Variants in STK10 observed in about 807,000 individuals in gnomAD.
The protein encoded by STK10 is serine/threonine-protein kinase 10.
STK10 carries 78 observed loss-of-function variants against 113.8 expected under a neutral mutation model. The ratio of observed to expected loss-of-function variants is 0.69; its 90% CI spans 0.57 to 0.83. The LOEUF is 0.83. STK10 is among the 40% of genes least tolerant of loss of function. The probability of loss-of-function intolerance (pLI) is 0.00; values close to 1 mark genes in which losing one functional copy is unlikely to be tolerated. For synonymous variants in STK10, 465 were observed against 494.7 expected (o/e 0.94, Z 0.80); for missense variants, 1,109 against 1,280.1 (o/e 0.87, Z 2.04).
At chr5:172,095,758 A>T (rs1302634964) in intron 8 of STK10, among the ~76,000 whole-genome samples, 2 of 152,204 alleles carry the variant, frequency 1.3e-5, no homozygotes, top group Non-Finnish European at 2.9e-5. Context: ...CTGATGGGTA[A>T]GTCCAGCCCC....
chr5:172,127,664 A>G (rs909913385), intron 2 of STK10, among the ~76,000 whole-genome samples: 1 of 152,180 alleles, frequency 6.6e-6, no homozygotes, highest in African/African-American at 2.4e-5. Flanking sequence ...AGGAAAACTA[A>G]GTTGCTACGA....
At chr5:172,182,789 T>A (rs1770883401) in intron 1 of STK10, among the ~76,000 whole-genome samples, 1 of 151,936 alleles carries the variant, frequency 6.6e-6, no homozygotes, top group African/African-American at 2.4e-5. Flanking sequence ...CCTGACCTCA[T>A]GATCCACCCA....
intron 4 of STK10, chr5:172,108,069 G>A: frequency 2.2e-6 from 1 of 459,446 alleles, no homozygotes; most frequent in South Asian, 3.7e-5. Flanking sequence ...ACTGGCAGCA[G>A]CCTTCAGGAA....
intron 1 of STK10, among the ~76,000 whole-genome samples, chr5:172,182,814 AG>A (rs2113846039): frequency 6.6e-6 from 1 of 152,096 alleles, no homozygotes; most frequent in Non-Finnish European, 1.5e-5. Flanking sequence ...AGCCTCTCAA[AG>A]TGCTGAGATT....
chr5:172,069,985 T>C (rs1453760836), intron 12 of STK10, among the ~76,000 whole-genome samples: 1 of 152,188 alleles, frequency 6.6e-6, no homozygotes, highest in Admixed American at 6.6e-5. Flanking sequence ...TGGTGGCTCA[T>C]GCCTGTAATC....
At chr5:172,164,767 T>C (rs1346493041) in intron 1 of STK10, among the ~76,000 whole-genome samples, 1 of 152,130 alleles carries the variant, frequency 6.6e-6, no homozygotes, top group African/African-American at 2.4e-5. Flanking sequence ...GAGGCCCACG[T>C]GGGAGTTGGC....
chr5:172,179,428 T>C (rs549941089), intron 1 of STK10, among the ~76,000 whole-genome samples: 1 of 152,290 alleles, frequency 6.6e-6, no homozygotes, highest in South Asian at 2.1e-4. Flanking sequence ...GGTGACAACC[T>C]CTGGAGAGTC....
chr5:172,085,982 G>C (rs192675788), intron 10 of STK10, among the ~76,000 whole-genome samples: 1 of 152,270 alleles, frequency 6.6e-6, no homozygotes, highest in East Asian at 1.9e-4. Flanking sequence ...GCAGTGCAGC[G>C]AGGCCAAGAG....
In STK10 at chr5:172,052,804, C is replaced by A. The variant is rs1485835250; in HGVS notation, c.2766+125G>T. 4 of 856,712 alleles carry A rather than the reference C, an allele frequency of 4.7e-6. No homozygotes were observed. The Admixed American group carries it at 1.0e-4, about 22-fold the overall frequency. The allele number at this position is 856,712 out of a possible 1,614,324, so 53.1% of individuals were successfully genotyped here. The stretch of plus-strand genomic sequence containing the variant: ...TTCCCCTCTCTCTCAGGCTGGAGAT[C>A]CATTTGATGGTGCCACAAAGCAAGA... On this transcript the variant is annotated intron_variant, in intron 18 of 18. Transcript: ENST00000176763.
intron 9 of STK10, 66 bp from the exon 10 acceptor site, chr5:172,090,428 G>T: frequency 7.0e-6 from 11 of 1,576,850 alleles, no homozygotes; most frequent in Non-Finnish European, 6.0e-6. Context: ...TGTCGCAGCA[G>T]GTGAGGCCAC....
chr5:172,110,447 C>T (rs1251196349), intron 4 of STK10, among the ~76,000 whole-genome samples: 1 of 152,190 alleles, frequency 6.6e-6, no homozygotes, highest in Non-Finnish European at 1.5e-5. Flanking sequence ...CCTGGCAAAA[C>T]CCCCGGAATG....
chr5:172,043,613 C>T lies in STK10; in HGVS notation c.*1269G>A, dbSNP rs369948660. The stretch of plus-strand genomic sequence containing the variant: ...AAAAAGGTTTCCTTGTAAGTAAACC[C>T]GCATACTGGTTCAAACATTTGCTTT... On this transcript the variant is annotated 3_prime_UTR_variant, in exon 19 of 19. Coordinates refer to ENST00000176763, the MANE Select transcript of STK10 (RefSeq NM_005990.4). 5 of 152,066 alleles carry T rather than the reference C, an allele frequency of 3.3e-5. No individual in the cohort carries two copies. The highest frequency in any genetic ancestry group is 9.7e-5 in the African/African-American group (4 of 41,420). 9.4% of individuals were successfully genotyped at this position (152,066 alleles called of 1,614,324 possible). A position where few individuals can be genotyped will look rare whatever the true frequency, so the allele number is the denominator to read the frequency against.
intron 2 of STK10, among the ~76,000 whole-genome samples, chr5:172,148,456 G>A (rs10050886): frequency 0.19 from 28,249 of 152,110 alleles, 3,571 homozygotes; most frequent in African/African-American, 0.36. Flanking sequence ...AATCACCCTT[G>A]CTCCTCTGCA....
chr5:172,108,166 G>T, intron 4 of STK10: 1 of 222,564 alleles, frequency 4.5e-6, no homozygotes, highest in Non-Finnish European at 8.8e-6. Flanking sequence ...CTGCCCTAAT[G>T]AAACAGTCTT....
intron 7 of STK10, among the ~76,000 whole-genome samples, chr5:172,099,842 G>A (rs1219829157): frequency 6.6e-6 from 1 of 152,188 alleles, no homozygotes; most frequent in Admixed American, 6.5e-5. Context: ...GGTTTTCATC[G>A]GGGCACCCCA....
chr5:172,127,082 C>A (rs1769636634), intron 3 of STK10, among the ~76,000 whole-genome samples: 1 of 152,140 alleles, frequency 6.6e-6, no homozygotes, highest in Non-Finnish European at 1.5e-5. Flanking sequence ...GCAGGAGAGT[C>A]ATTTGAACCC....
intron 12 of STK10, among the ~76,000 whole-genome samples, chr5:172,081,624 C>G (rs567457772): frequency 6.6e-6 from 1 of 152,242 alleles, no homozygotes; most frequent in East Asian, 1.9e-4. Context: ...TGGGATGCCC[C>G]CGAATGTCAT....
At chr5:172,054,716 T>C (rs1396720587) in intron 16 of STK10, 22 bp from the exon 17 acceptor site, 1 of 1,606,410 alleles carries the variant, frequency 6.2e-7, no homozygotes. Context: ...AGAGGGTGGG[T>C]GCCTCAGGGG....
At chr5:172,135,313 G>A (rs1769829539) in intron 2 of STK10, among the ~76,000 whole-genome samples, 1 of 152,130 alleles carries the variant, frequency 6.6e-6, no homozygotes, top group South Asian at 2.1e-4. Flanking sequence ...AGGAGTTTGA[G>A]ACAGCCTGGC....
Sources: gnomAD v4.1 joint callset for allele counts (sites outside exome capture counted in the v4.1 genomes callset) on GRCh38, gnomAD v4.1.1 for gene constraint, MANE v1.5 for transcripts, NCBI Gene and HGNC (gene_info 2026-07-23, HGNC 2026-07-21) for gene names.